Variants in PARD3 observed in about 807,000 individuals in gnomAD.
The protein encoded by PARD3 is partitioning defective 3 homolog.
Under a neutral mutation model 155.4 loss-of-function variants are expected in PARD3, and 75 were observed. The observed-to-expected ratio is 0.48, with a 90% CI of 0.40 to 0.58. The LOEUF (loss-of-function observed/expected upper bound fraction) is 0.58. Among genes scored for constraint, PARD3 ranks in the 20% least tolerant of loss-of-function variants. The pLI is 0.00. For synonymous variants in PARD3, 576 were observed against 610.5 expected (o/e 0.94, Z 0.83); for missense variants, 1,642 against 1,721.7 (o/e 0.95, Z 0.82).
chr10:34,337,029 ATG>A (rs1477993865), intron 17 of PARD3, among the ~76,000 whole-genome samples: 1 of 152,188 alleles, frequency 6.6e-6, no homozygotes, highest in Admixed American at 6.5e-5. Context: ...TGATATGCAT[ATG>A]TGTTTGTTTC....
intron 5 of PARD3, among the ~76,000 whole-genome samples, chr10:34,443,147 T>C (rs1401250662): frequency 6.6e-6 from 1 of 152,144 alleles, no homozygotes; most frequent in Admixed American, 6.5e-5. Context: ...AGCTAAAACC[T>C]AGGCAAAACT....
chr10:34,449,042 C>T (rs2076913324), intron 5 of PARD3, among the ~76,000 whole-genome samples: 2 of 150,870 alleles, frequency 1.3e-5, no homozygotes, highest in Non-Finnish European at 2.9e-5. Context: ...CCTCAGCCTC[C>T]CCAGTAGCTG....
At chr10:34,371,520 AAAAAAAAAAAAAC>A (rs1840640493) in intron 12 of PARD3, among the ~76,000 whole-genome samples, 11 of 78,162 alleles carry the variant, frequency 1.4e-4, no homozygotes, top group East Asian at 7.7e-4. Context: ...AAAAAAAAAA[AAAAAAAAAAAAAC>A]AACGAAGGAA....
rs76509251 is a variant in PARD3, at chr10:34,646,299, A to T, written c.222+50019T>A. ...CAACTCCCTGATGAATAATTTAGAA[A>T]ATAATATACTTTATTACTGAAATTT... On this transcript the variant is annotated intron_variant, in intron 2 of 24. Transcript: ENST00000374788. 6.6e-5 allele frequency among the ~76,000 whole-genome samples: 10 copies of T among 152,312 alleles called. No homozygotes were observed. In the East Asian group the frequency reaches 1.9e-3, roughly 29 times the overall value.
At chr10:34,269,973 A>G in intron 21 of PARD3, 74 bp from the exon 22 acceptor site, 1 of 1,387,434 alleles carries the variant, frequency 7.2e-7, no homozygotes, top group Non-Finnish European at 1.0e-6. Flanking sequence ...AACATTCATC[A>G]AAATATGTTG....
chr10:34,291,541 C>T (rs1398581329), intron 20 of PARD3, among the ~76,000 whole-genome samples: 1 of 152,150 alleles, frequency 6.6e-6, no homozygotes, highest in African/African-American at 2.4e-5. Context: ...GCATGCAAGA[C>T]AGGTGTTATC....
chr10:34,421,403 AATT>A (rs1180686963), intron 5 of PARD3, among the ~76,000 whole-genome samples: 1 of 150,964 alleles, frequency 6.6e-6, no homozygotes, highest in East Asian at 1.9e-4. Flanking sequence ...AGTTATTAAT[AATT>A]ATACTAGTTA....
intron 2 of PARD3, among the ~76,000 whole-genome samples, chr10:34,626,395 C>G (rs181938791): frequency 3.3e-5 from 5 of 152,308 alleles, no homozygotes; most frequent in Non-Finnish European, 7.4e-5. Context: ...TTCTCTCTCT[C>G]TCTTTCTTTC....
chr10:34,750,462 A>AAC (rs71033348), intron 1 of PARD3, among the ~76,000 whole-genome samples: 7,258 of 135,732 alleles, frequency 0.053, 195 homozygotes, highest in Middle Eastern at 0.093. Context: ...CTCTCTTTCA[A>AAC]ACACACACAC....
intron 14 of PARD3, 62 bp downstream of exon 14, chr10:34,359,085 A>G: frequency 1.4e-6 from 2 of 1,388,400 alleles, no homozygotes; most frequent in Middle Eastern, 1.8e-4. Context: ...TTTGCCCAAA[A>G]TTAGGACAGA....
At chr10:34,247,770 G>C (rs1954051566) in intron 22 of PARD3, among the ~76,000 whole-genome samples, 1 of 152,188 alleles carries the variant, frequency 6.6e-6, no homozygotes, top group African/African-American at 2.4e-5. Context: ...ACAGAAATTG[G>C]TGGTATTCTG....
chr10:34,303,833 A>G (rs1391813914), intron 20 of PARD3, among the ~76,000 whole-genome samples: 2 of 152,166 alleles, frequency 1.3e-5, no homozygotes, highest in Non-Finnish European at 2.9e-5. Flanking sequence ...AGAGGAAGAC[A>G]AGGAGACAGA....
At chr10:34,805,916 G>GC (rs1370728120) in intron 1 of PARD3, among the ~76,000 whole-genome samples, 3 of 151,930 alleles carry the variant, frequency 2.0e-5, no homozygotes, top group Admixed American at 2.0e-4. Flanking sequence ...GGTGGAGCTT[G>GC]CAGTGAGCCG....
At position 34,343,859 on chromosome 10, in the gene PARD3, A is replaced by G. The variant is rs915253861; in HGVS notation, c.2219-2043T>C. 13 of 983,188 alleles carry G rather than the reference A, an allele frequency of 1.3e-5. No individual in the cohort carries two copies. In the East Asian group the frequency reaches 1.4e-3, roughly 103 times the overall value. The allele number at this position is 983,188 out of a possible 1,614,324, so 60.9% of individuals were successfully genotyped here. A position where few individuals can be genotyped will look rare whatever the true frequency, so the allele number is the denominator to read the frequency against. On this transcript the variant is annotated intron_variant, in intron 15 of 24. Coordinates refer to ENST00000374788, the MANE Select transcript of PARD3 (RefSeq NM_001184785.2). ...TCAGTATCTTGTAGAGGAGTGAAAC[A>G]ATGAAATACAAAATGTTTGTTTACT...
At chr10:34,495,283 CAAGT>C (rs2080198184) in intron 3 of PARD3, among the ~76,000 whole-genome samples, 1 of 152,114 alleles carries the variant, frequency 6.6e-6, no homozygotes, top group Non-Finnish European at 1.5e-5. Context: ...TGACACCTGC[CAAGT>C]AAGACCTCAT....
intron 22 of PARD3, among the ~76,000 whole-genome samples, chr10:34,236,189 G>C (rs1206985026): frequency 1.3e-5 from 2 of 150,926 alleles, no homozygotes; most frequent in Admixed American, 1.3e-4. Flanking sequence ...GCACTTACTG[G>C]AGAGATGATG....
intron 1 of PARD3, among the ~76,000 whole-genome samples, chr10:34,721,014 G>A (rs1279172242): frequency 6.6e-6 from 1 of 152,154 alleles, no homozygotes; most frequent in African/African-American, 2.4e-5. Context: ...AGGCTGATTA[G>A]AGGATACTTG....
intron 7 of PARD3, among the ~76,000 whole-genome samples, chr10:34,390,780 A>G (rs1842802869): frequency 6.6e-6 from 1 of 152,234 alleles, no homozygotes; most frequent in African/African-American, 2.4e-5. Context: ...GATAAAGAAT[A>G]TCTTAGATGA....
In PARD3 at chr10:34,227,775, A is replaced by G. The variant is rs1009082388; in HGVS notation, c.3419+41882T>C. Among the ~76,000 whole-genome samples the G allele has an allele frequency of 4.7e-5, 7 of 149,024 alleles. No individual in the cohort carries two copies. In the East Asian group the frequency reaches 1.4e-3, roughly 29 times the overall value. On this transcript the variant is annotated intron_variant, in intron 22 of 24. Transcript: ENST00000374788. ...TGGAAAGCAGTTTGGAGATTTCTCA[A>G]AGAACTTAGAGCTACCATTCAACTC...
Sources: gnomAD v4.1 joint callset for allele counts (sites outside exome capture counted in the v4.1 genomes callset) on GRCh38, gnomAD v4.1.1 for gene constraint, MANE v1.5 for transcripts, NCBI Gene and HGNC (gene_info 2026-07-23, HGNC 2026-07-21) for gene names.